Variants in BICC1 observed in about 807,000 individuals in gnomAD.
BICC1 encodes BicC family RNA binding protein 1.
A neutral mutation model predicts 111.0 loss-of-function variants in BICC1; 43 were observed. The observed-to-expected ratio is 0.39, with a 90% CI of 0.30 to 0.50. The LOEUF is 0.50. Ranked by LOEUF, BICC1 falls within the 20% of genes least tolerant of loss-of-function variation. The pLI, the probability that BICC1 is intolerant of heterozygous loss-of-function variation, is 0.88. For synonymous variants in BICC1, 467 were observed against 434.4 expected (o/e 1.07, Z -0.93); for missense variants, 1,091 against 1,203.2 (o/e 0.91, Z 1.38).
rs1841307415 is a variant in BICC1 at position 58,731,819 on chromosome 10, G to A, written c.307+29676G>A. Reference sequence around the variant, plus strand: ...CATTGTTGTCATGACAGTACCAAGAGGGATGGTGTTAAACCGTTCATGAAG... The same window carrying A: ...CATTGTTGTCATGACAGTACCAAGAAGGATGGTGTTAAACCGTTCATGAAG... On this transcript the variant is annotated intron_variant, in intron 3 of 20. Transcript: ENST00000373886. Among the ~76,000 whole-genome samples the A allele has an allele frequency of 2.0e-5, 3 of 152,108 alleles. No homozygotes were observed. In the South Asian group the frequency reaches 6.2e-4, roughly 32 times the overall value.
chr10:58,561,510 ACT>A (rs1843603490), intron 1 of BICC1, among the ~76,000 whole-genome samples: 1 of 151,724 alleles, frequency 6.6e-6, no homozygotes, highest in African/African-American at 2.4e-5. Flanking sequence ...CTATTCAGCA[ACT>A]CTATATCTTT....
At chr10:58,755,812 T>TTCTCTGCA (rs776592946) in intron 3 of BICC1, among the ~76,000 whole-genome samples, 13 of 152,148 alleles carry the variant, frequency 8.5e-5, no homozygotes, top group Non-Finnish European at 1.6e-4. Context: ...CAGCCGAGGC[T>TTCTCTGCA]TCTCTGCATT....
At chr10:58,616,944 T>C (rs1295572967) in intron 1 of BICC1, among the ~76,000 whole-genome samples, 1 of 152,192 alleles carries the variant, frequency 6.6e-6, no homozygotes, top group Non-Finnish European at 1.5e-5. Context: ...ATGGTGCGGC[T>C]GAGACCACCT....
rs80116672 is a variant in BICC1 at position 58,793,848 on chromosome 10, A to G, written c.1179+233A>G. 0.013 allele frequency among the ~76,000 whole-genome samples: 1,994 copies of G among 152,228 alleles called. 74 individuals are homozygous for G. Among genetic ancestry groups the G allele is most frequent in the South Asian group, 0.1 (505 of 4,816 alleles). On this transcript the variant is annotated intron_variant, in intron 9 of 20. Coordinates refer to ENST00000373886, the MANE Select transcript of BICC1 (RefSeq NM_001080512.3). Reference sequence around the variant, plus strand: ...TGGATTTTCATATTAGGGATGCCCAACCAGTGCAGATATTCCCAAATCCCC... The same window carrying G: ...TGGATTTTCATATTAGGGATGCCCAGCCAGTGCAGATATTCCCAAATCCCC...
At chr10:58,602,794 A>C (rs897858739) in intron 1 of BICC1, among the ~76,000 whole-genome samples, 2 of 152,198 alleles carry the variant, frequency 1.3e-5, no homozygotes, top group Admixed American at 1.3e-4. Flanking sequence ...ATGCAAAGCT[A>C]TATTTTGCAG....
chr10:58,635,073 C>T (rs1014656747), intron 2 of BICC1, among the ~76,000 whole-genome samples: 7 of 152,104 alleles, frequency 4.6e-5, no homozygotes, highest in Non-Finnish European at 8.8e-5. Context: ...GTTCAAGAGT[C>T]AACTGTATAT....
chr10:58,665,856 G>T (rs1330566395), intron 2 of BICC1, among the ~76,000 whole-genome samples: 1 of 152,104 alleles, frequency 6.6e-6, no homozygotes, highest in Non-Finnish European at 1.5e-5. Flanking sequence ...GATCTCTAAT[G>T]AATTTTATAA....
chr10:58,731,758 A>C (rs1488022751), intron 3 of BICC1, among the ~76,000 whole-genome samples: 2 of 151,228 alleles, frequency 1.3e-5, no homozygotes, highest in Non-Finnish European at 3.0e-5. Context: ...GAGATGCTAC[A>C]CACTTTTAAA....
intron 1 of BICC1, among the ~76,000 whole-genome samples, chr10:58,559,993 G>C (rs1843559691): frequency 6.6e-6 from 1 of 151,282 alleles, no homozygotes; most frequent in Non-Finnish European, 1.5e-5. Flanking sequence ...TTTGCATCTA[G>C]GTTTATCAGG....
At chr10:58,664,254 A>G (rs1305279903) in intron 2 of BICC1, among the ~76,000 whole-genome samples, 2 of 152,120 alleles carry the variant, frequency 1.3e-5, no homozygotes, top group African/African-American at 4.8e-5. Flanking sequence ...AATGTTAGTC[A>G]TTCTGGTGGA....
intron 1 of BICC1, among the ~76,000 whole-genome samples, chr10:58,515,532 G>A (rs1842220236): frequency 6.6e-6 from 1 of 152,200 alleles, no homozygotes; most frequent in African/African-American, 2.4e-5. Context: ...GAAAGGTAAT[G>A]TGTTATGTTA....
intron 2 of BICC1, 72 bp from the exon 3 acceptor site, chr10:58,702,002 T>C (rs1840252692): frequency 8.6e-7 from 1 of 1,164,112 alleles, no homozygotes; most frequent in African/African-American, 1.5e-5. Context: ...TAAACTTTTT[T>C]GTGTGTGAAA....
chr10:58,771,458 A>G (rs1185253779), intron 3 of BICC1, among the ~76,000 whole-genome samples: 1 of 152,082 alleles, frequency 6.6e-6, no homozygotes, highest in Non-Finnish European at 1.5e-5. Flanking sequence ...AAGCAGGTAT[A>G]TGGATAATGG....
intron 2 of BICC1, among the ~76,000 whole-genome samples, chr10:58,669,853 G>T (rs1248903783): frequency 6.6e-6 from 1 of 151,974 alleles, no homozygotes; most frequent in Non-Finnish European, 1.5e-5. Context: ...AAATGTTTTG[G>T]GCTTTTGATA....
At chr10:58,715,979 C>G in intron 3 of BICC1, 1 of 1,399,460 alleles carries the variant, frequency 7.1e-7, no homozygotes, top group Non-Finnish European at 9.9e-7. Context: ...CATAAATCTT[C>G]TGAAAGCTCC....
At chr10:58,646,501 A>G (rs1838274448) in intron 2 of BICC1, among the ~76,000 whole-genome samples, 2 of 152,164 alleles carry the variant, frequency 1.3e-5, no homozygotes, top group Non-Finnish European at 1.5e-5. Flanking sequence ...GGCTGTCTGC[A>G]TTGTATTTGG....
At chr10:58,522,655 C>T (rs1052090817) in intron 1 of BICC1, among the ~76,000 whole-genome samples, 9 of 151,224 alleles carry the variant, frequency 6.0e-5, no homozygotes, top group African/African-American at 9.7e-5. Context: ...ACTAGAGAAA[C>T]GAGCAAACAC....
At chr10:58,727,006 G>A (rs1054016655) in intron 3 of BICC1, among the ~76,000 whole-genome samples, 2 of 152,092 alleles carry the variant, frequency 1.3e-5, no homozygotes, top group Admixed American at 6.5e-5. Flanking sequence ...ACATGAAGTT[G>A]CTTTAGAAAT....
Position 58,796,469 on chromosome 10 carries a change from C to T in BICC1, c.1309C>T (p.Leu437=). Residue 437 remains leucine (L), a synonymous_variant, in exon 10 of 21, where the codon CTG becomes TTG. Coordinates refer to ENST00000373886, the MANE Select transcript of BICC1 (RefSeq NM_001080512.3). ...ATCCCCAGCATCCTGCCCTGCCGGCCTGGCATGTCCCAGCCTGGATATCTT... is the reference window on the plus strand; with the variant it reads ...ATCCCCAGCATCCTGCCCTGCCGGCTTGGCATGTCCCAGCCTGGATATCTT... ...SPSPASCPAG[L]ACPSLDILAS... 6.2e-7 allele frequency: 1 copy of T among 1,614,124 alleles called. No individual in the cohort carries two copies. The highest frequency in any genetic ancestry group is 8.5e-7 in the Non-Finnish European group (1 of 1,179,996).
Sources: allele counts gnomAD v4.1 joint callset (sites outside exome capture counted in the v4.1 genomes callset), GRCh38; gene constraint gnomAD v4.1.1; transcripts MANE v1.5; gene names NCBI Gene and HGNC (gene_info 2026-07-23, HGNC 2026-07-21).